The following FAT3 variants were observed in gnomAD, a reference collection of about 807,000 sequenced individuals.
FAT3 encodes the protein protocadherin Fat 3.
In FAT3, 95 loss-of-function variants were observed where a neutral mutation model predicts 310.2. The observed-to-expected ratio is 0.31, with a 90% CI of 0.26 to 0.36. FAT3 has a LOEUF of 0.36. Among genes scored for constraint, FAT3 ranks in the 10% least tolerant of loss-of-function variants. FAT3 has a pLI of 1.00. For synonymous variants in FAT3, 2,314 were observed against 2,192.9 expected, an observed-to-expected ratio of 1.06 and a Z score of -1.54; for missense variants, 5,408 against 5,715.6, an observed-to-expected ratio of 0.95 and a Z score of 1.74.
Position 92,331,001 on chromosome 11 carries a change from T to TGAGAGAGA in FAT3, c.-17-21094_-17-21093insAGAGAGAG, listed in dbSNP as rs1379858139. Among the ~76,000 whole-genome samples the TGAGAGAGA allele has an allele frequency of 2.0e-4, 24 of 117,808 alleles. No homozygotes were observed. The East Asian group carries it at 3.5e-3, about 17-fold the overall frequency. The allele number at this position is 117,808 out of a possible 152,430, so 77.3% of individuals were successfully genotyped here. On this transcript the variant is annotated intron_variant, in intron 1 of 27. Transcript: ENST00000525166. Reference sequence around the variant, plus strand: ...GTGTGTGTGTGTGTGTGTGTGTGTGTGTGAGAGAGAGAGAGAGAGAAACAT... The same window carrying TGAGAGAGA: ...GTGTGTGTGTGTGTGTGTGTGTGTGTGAGAGAGAGTGAGAGAGAGAGAGAGAGAAACAT...
chr11:92,360,813 T>C (rs1275220318), intron 2 of FAT3, among the ~76,000 whole-genome samples: 5 of 152,212 alleles, frequency 3.3e-5, no homozygotes, highest in African/African-American at 1.2e-4. Context: ...TTTGTAATTG[T>C]CACAGTAATG....
chr11:92,748,222 G>T (rs1945730665), intron 4 of FAT3, among the ~76,000 whole-genome samples: 1 of 152,136 alleles, frequency 6.6e-6, no homozygotes, highest in South Asian at 2.1e-4. Flanking sequence ...ATGGCAGCAG[G>T]CTAGAGGCTT....
chr11:92,432,991 G>A (rs958206657), intron 2 of FAT3, among the ~76,000 whole-genome samples: 1 of 152,126 alleles, frequency 6.6e-6, no homozygotes, highest in Non-Finnish European at 1.5e-5. Flanking sequence ...CACTACGTTG[G>A]GCTCTGTCCA....
chr11:92,548,571 AT>A (rs1565402021), intron 3 of FAT3, among the ~76,000 whole-genome samples: 1 of 152,032 alleles, frequency 6.6e-6, no homozygotes, highest in East Asian at 1.9e-4. Context: ...AACTTTTCAA[AT>A]TTTAGGGCAC....
At chr11:92,678,096 C>T (rs766270661) in intron 3 of FAT3, among the ~76,000 whole-genome samples, 54 of 152,238 alleles carry the variant, frequency 3.5e-4, no homozygotes, top group South Asian at 2.5e-3. Context: ...AAATGTGTAA[C>T]TACAAATCAC....
chr11:92,720,483 C>G (rs933786568), intron 4 of FAT3, among the ~76,000 whole-genome samples: 6 of 152,110 alleles, frequency 3.9e-5, no homozygotes, highest in Admixed American at 6.5e-5. Context: ...ATCTGTTTTC[C>G]TGCCATTTTT....
intron 3 of FAT3, among the ~76,000 whole-genome samples, chr11:92,654,831 T>G (rs1422419102): frequency 6.6e-6 from 1 of 152,206 alleles, no homozygotes; most frequent in Admixed American, 6.5e-5. Context: ...TATCAGTTCC[T>G]TATTTATCAC....
At chr11:92,430,730 A>G (rs1950747493) in intron 2 of FAT3, among the ~76,000 whole-genome samples, 1 of 150,482 alleles carries the variant, frequency 6.6e-6, no homozygotes, top group African/African-American at 2.4e-5. Context: ...CTCATTGTTC[A>G]ATTCCCACCT....
chr11:92,315,508 TATATAGAG>T (rs1465314796), intron 1 of FAT3, among the ~76,000 whole-genome samples: 77 of 83,320 alleles, frequency 9.2e-4, no homozygotes, highest in Middle Eastern at 6.6e-3. Flanking sequence ...TATATATATA[TATATAGAG>T]AGAGAGAGAG....
At position 92,800,617 on chromosome 11, in the gene FAT3, T is replaced by C. The variant is rs1362848827; in HGVS notation, c.7604T>C (p.Ile2535Thr). ...PGTYGQISYAIINDFAKDRFL... is the reference protein window; with the variant it reads ...PGTYGQISYATINDFAKDRFL... ...ACTTATGGGCAGATCAGCTATGCCA[T>C]CATCAATGACTTTGCCAAGGATCGA... The change falls in exon 10 of 28, where the codon ATC (isoleucine) becomes ACC (threonine). Residue 2535 changes from isoleucine to threonine, a missense_variant. Physicochemically the swap from Ile to Thr is moderately conservative, Grantham distance 89. Around this residue, in one of 5 missense-constraint regions of FAT3, gnomAD observed 4,588 missense variants for 4,809.8 expected, o/e 0.95. Transcript: ENST00000525166. 5 of 1,613,696 alleles carry C rather than the reference T, an allele frequency of 3.1e-6. No homozygotes were observed. The highest frequency in any genetic ancestry group is 2.2e-5 in the East Asian group (1 of 44,816).
Position 92,751,455 on chromosome 11 carries a change from G to A in FAT3, c.3670-10401G>A, listed in dbSNP as rs150614716. On this transcript the variant is annotated intron_variant, in intron 4 of 27. Coordinates refer to ENST00000525166, the MANE Select transcript of FAT3 (RefSeq NM_001367949.2). ...TCCATGATCAGGGAGAATAATTTTT[G>A]TGCAAAGAAAGGTAGAACAAATTTT... Among the ~76,000 whole-genome samples, 410 of 152,298 alleles carry A rather than the reference G, an allele frequency of 2.7e-3. 2 individuals are homozygous for A. Among genetic ancestry groups the A allele is most frequent in the African/African-American group, 9.5e-3 (394 of 41,566 alleles).
intron 3 of FAT3, among the ~76,000 whole-genome samples, chr11:92,558,406 G>GTGTGTGTGTGTGTA (rs1955097736): frequency 1.3e-5 from 2 of 151,656 alleles, no homozygotes; most frequent in Admixed American, 1.3e-4. Flanking sequence ...GTGTTTATGT[G>GTGTGTGTGTGTGTA]TGTGTGTGTG....
At chr11:92,665,162 T>C (rs1942910870) in intron 3 of FAT3, among the ~76,000 whole-genome samples, 1 of 152,196 alleles carries the variant, frequency 6.6e-6, no homozygotes, top group Non-Finnish European at 1.5e-5. Flanking sequence ...AATCTCTGTT[T>C]GCCTCAAAAA....
At chr11:92,729,837 A>G (rs1328811108) in intron 4 of FAT3, among the ~76,000 whole-genome samples, 1 of 152,188 alleles carries the variant, frequency 6.6e-6, no homozygotes, top group Non-Finnish European at 1.5e-5. Context: ...TAATTTAAAA[A>G]AAACATTTTT....
rs114213882 is a variant in FAT3, at chr11:92,247,673, T to C, written c.-18+22499T>C. Among the ~76,000 whole-genome samples, 578 of 152,026 alleles carry C rather than the reference T, an allele frequency of 3.8e-3. 3 individuals carry two copies. Among genetic ancestry groups the C allele is most frequent in the African/African-American group, 0.013 (557 of 41,492 alleles). On this transcript the variant is annotated intron_variant, in intron 1 of 27. Coordinates refer to ENST00000525166, the MANE Select transcript of FAT3 (RefSeq NM_001367949.2). ...TGCTGGCAAACTCAACTCTGTATTATGGCTGACTTCTTTGCGGAAGTCTGC... is the reference window on the plus strand; with the variant it reads ...TGCTGGCAAACTCAACTCTGTATTACGGCTGACTTCTTTGCGGAAGTCTGC...
At chr11:92,473,866 C>T (rs1331564404) in intron 2 of FAT3, among the ~76,000 whole-genome samples, 1 of 152,188 alleles carries the variant, frequency 6.6e-6, no homozygotes, top group African/African-American at 2.4e-5. Context: ...TTTGGCACTT[C>T]ATGGGCCTTA....
chr11:92,282,078 G>A (rs573270317), intron 1 of FAT3, among the ~76,000 whole-genome samples: 1 of 151,962 alleles, frequency 6.6e-6, no homozygotes, highest in Non-Finnish European at 1.5e-5. Flanking sequence ...ACTAATTTTT[G>A]TATGTTTAGT....
chr11:92,310,463 G>T (rs772637112), intron 1 of FAT3, among the ~76,000 whole-genome samples: 23 of 152,078 alleles, frequency 1.5e-4, no homozygotes, highest in Admixed American at 3.3e-4. Flanking sequence ...ACAGGCAAAA[G>T]AATCTTAGTA....
At chr11:92,665,858 C>T (rs932750637) in intron 3 of FAT3, among the ~76,000 whole-genome samples, 23 of 152,108 alleles carry the variant, frequency 1.5e-4, no homozygotes, top group Non-Finnish European at 4.4e-5. Flanking sequence ...TTTGGTCTTC[C>T]TTCTCTTCTA....
Sources: gnomAD v4.1 joint callset for allele counts (sites outside exome capture counted in the v4.1 genomes callset) on GRCh38, gnomAD v4.1.1 for gene constraint, gnomAD v4.1.1 regional missense constraint, MANE v1.5 for transcripts, NCBI Gene and HGNC (gene_info 2026-07-23, HGNC 2026-07-21) for gene names.